THSD4: variants seen among roughly 807,000 people sequenced by gnomAD.
THSD4 encodes thrombospondin type-1 domain-containing protein 4.
A neutral mutation model predicts 119.0 loss-of-function variants in THSD4; 69 were observed. The ratio of observed to expected loss-of-function variants is 0.58; its 90% CI spans 0.48 to 0.71. The LOEUF (loss-of-function observed/expected upper bound fraction) is 0.71. Ranked by LOEUF, THSD4 falls within the 30% of genes least tolerant of loss-of-function variation. THSD4 has a pLI of 0.00. For missense variants in THSD4, 1,393 were observed against 1,391.1 expected (o/e 1.00, Z -0.02); for synonymous variants, 524 against 540.4 (o/e 0.97, Z 0.42).
At chr15:71,459,199 C>T (rs1203069605) in intron 7 of THSD4, among the ~76,000 whole-genome samples, 2 of 136,982 alleles carry the variant, frequency 1.5e-5, no homozygotes, top group African/African-American at 5.6e-5. Flanking sequence ...CCCTCTGTTG[C>T]TCAGGCTGGA....
intron 6 of THSD4, among the ~76,000 whole-genome samples, chr15:71,353,179 G>A (rs1206587581): frequency 2.6e-5 from 4 of 152,176 alleles, no homozygotes; most frequent in Non-Finnish European, 5.9e-5. Flanking sequence ...GAAGCAGAAG[G>A]AGTGCGTCTA....
At chr15:71,449,936 A>T (rs1026441220) in intron 7 of THSD4, among the ~76,000 whole-genome samples, 4 of 152,200 alleles carry the variant, frequency 2.6e-5, no homozygotes, top group African/African-American at 9.6e-5. Context: ...ACTACTTAGG[A>T]TTAAAAGTAG....
intron 1 of THSD4, among the ~76,000 whole-genome samples, chr15:71,131,070 A>C (rs2040499858): frequency 6.6e-6 from 1 of 152,178 alleles, no homozygotes; most frequent in Admixed American, 6.5e-5. Flanking sequence ...TAAAATCTTT[A>C]GTCCTAGCTT....
chr15:71,362,300 C>T (rs1396279973), intron 6 of THSD4, among the ~76,000 whole-genome samples: 3 of 152,120 alleles, frequency 2.0e-5, no homozygotes, highest in African/African-American at 7.2e-5. Context: ...TAATGAGTGG[C>T]TGGGGTACAG....
At chr15:71,636,824 G>C (rs1328745693) in intron 7 of THSD4, among the ~76,000 whole-genome samples, 1 of 151,946 alleles carries the variant, frequency 6.6e-6, no homozygotes, top group African/African-American at 2.4e-5. Context: ...GAGGACCTGC[G>C]AGGCATGTGA....
intron 8 of THSD4, among the ~76,000 whole-genome samples, chr15:71,681,440 G>T (rs987694047): frequency 4.0e-5 from 6 of 151,294 alleles, no homozygotes; most frequent in African/African-American, 1.5e-4. Flanking sequence ...ACTTTGGGAG[G>T]CCAAGGCAGG....
At chr15:71,390,441 C>G (rs1468027375) in intron 6 of THSD4, among the ~76,000 whole-genome samples, 3 of 152,164 alleles carry the variant, frequency 2.0e-5, no homozygotes, top group African/African-American at 7.2e-5. Flanking sequence ...TTGGAAGATT[C>G]AGGATTGCAT....
At chr15:71,594,841 T>TG (rs2049877810) in intron 7 of THSD4, among the ~76,000 whole-genome samples, 2 of 152,110 alleles carry the variant, frequency 1.3e-5, no homozygotes, top group Non-Finnish European at 2.9e-5. Flanking sequence ...ATTTTATGCA[T>TG]GAGGGATATA....
chr15:71,398,783 A>T (rs2046484907), intron 6 of THSD4, among the ~76,000 whole-genome samples: 1 of 152,110 alleles, frequency 6.6e-6, no homozygotes, highest in African/African-American at 2.4e-5. Flanking sequence ...GGGCAGACCC[A>T]TGCAGTTCTG....
intron 6 of THSD4, among the ~76,000 whole-genome samples, chr15:71,395,283 G>A (rs560631663): frequency 6.6e-6 from 1 of 152,240 alleles, no homozygotes; most frequent in Non-Finnish European, 1.5e-5. Flanking sequence ...AGAGCCCTCT[G>A]GGAGGCTGCT....
upstream of THSD4, chr15:71,112,272 G>A (rs544626612): frequency 1.6e-5 from 25 of 1,545,576 alleles, no homozygotes; most frequent in Middle Eastern, 3.4e-4. Flanking sequence ...ATAGGATGTC[G>A]TATGCATCAT....
At chr15:71,731,331 G>A in intron 10 of THSD4, 114 bp downstream of exon 10, 1 of 1,048,260 alleles carries the variant, frequency 9.5e-7, no homozygotes, top group Non-Finnish European at 1.4e-6. Flanking sequence ...AGAAAATTGA[G>A]GGACGCATAT....
chr15:71,642,959 A>T (rs1490607077), intron 7 of THSD4, among the ~76,000 whole-genome samples: 6 of 152,082 alleles, frequency 3.9e-5, no homozygotes, highest in South Asian at 2.1e-4. Flanking sequence ...ATAATAATAA[A>T]AAAATAAAAA....
At chr15:71,210,063 T>TTA (rs1303688362) in intron 3 of THSD4, among the ~76,000 whole-genome samples, 1 of 152,222 alleles carries the variant, frequency 6.6e-6, no homozygotes, top group Non-Finnish European at 1.5e-5. Context: ...ATACATTGGG[T>TTA]ATAAAGTCAT....
At chr15:71,328,165 G>A (rs142060070) in intron 6 of THSD4, among the ~76,000 whole-genome samples, 67 of 152,274 alleles carry the variant, frequency 4.4e-4, no homozygotes, top group Middle Eastern at 3.4e-3. Flanking sequence ...CCGTATTTTC[G>A]TGCTTCTTGT....
intron 7 of THSD4, among the ~76,000 whole-genome samples, chr15:71,640,557 G>C (rs893842810): frequency 6.6e-6 from 1 of 152,120 alleles, no homozygotes; most frequent in Non-Finnish European, 1.5e-5. Flanking sequence ...CTTCAGAACC[G>C]AGAGCAGGAA....
intron 3 of THSD4, among the ~76,000 whole-genome samples, chr15:71,192,946 T>G (rs2043685948): frequency 6.6e-6 from 1 of 152,184 alleles, no homozygotes; most frequent in African/African-American, 2.4e-5. Context: ...TTCCTACGTT[T>G]CTGTTTTTAA....
At chr15:71,200,680 A>G (rs2043796380) in intron 3 of THSD4, among the ~76,000 whole-genome samples, 1 of 152,168 alleles carries the variant, frequency 6.6e-6, no homozygotes, top group Non-Finnish European at 1.5e-5. Flanking sequence ...GATTTAGTTA[A>G]TGCTTTCAGT....
Position 71,242,678 on chromosome 15 carries a change from G to A in THSD4, c.494G>A (p.Gly165Asp). The A allele has an allele frequency of 1.2e-6, 2 of 1,614,100 alleles. No individual in the cohort carries two copies. Among genetic ancestry groups the A allele is most frequent in the East Asian group, 2.2e-5 (1 of 44,874 alleles). Residue 165 changes from glycine (G) to aspartate (D), a missense_variant, in exon 5 of 18, where the codon GGC becomes GAC. Gly to Asp is a moderately conservative substitution (Grantham distance 94). Transcript: ENST00000261862. The stretch of plus-strand genomic sequence containing the variant: ...AGGACCCGTGGTACCATTGGCCCTG[G>A]CAAGTATGGCTATGGTAAGGCCCCA... ...RSRTRGTIGP[G>D]KYGYGKAPYI...
Sources: gnomAD v4.1 joint callset for allele counts (sites outside exome capture counted in the v4.1 genomes callset) on GRCh38, gnomAD v4.1.1 for gene constraint, MANE v1.5 for transcripts, NCBI Gene and HGNC (gene_info 2026-07-23, HGNC 2026-07-21) for gene names.